RMST: variants seen among roughly 807,000 people sequenced by gnomAD.
RMST encodes long intergenic non-protein coding RNA 54.
intron 11 of RMST, among the ~76,000 whole-genome samples, chr12:97,544,472 T>C (rs192910302): frequency 1.7e-4 from 26 of 152,060 alleles, no homozygotes; most frequent in African/African-American, 5.3e-4. Context: ...TCTAGACACA[T>C]AGGTAATCAG....
chr12:97,482,204 G>A (rs1875383869), intron 5 of RMST, among the ~76,000 whole-genome samples: 1 of 152,136 alleles, frequency 6.6e-6, no homozygotes, highest in Admixed American at 6.5e-5. Context: ...TAACGTCTTG[G>A]GGATTGGCAA....
chr12:97,510,679 GAGTTACTTCTT>G (rs1257856729), intron 10 of RMST, among the ~76,000 whole-genome samples: 1 of 152,150 alleles, frequency 6.6e-6, no homozygotes, highest in Admixed American at 6.5e-5. Flanking sequence ...ATCACATAGG[GAGTTACTTCTT>G]GGTTACTTCC....
chr12:97,558,014 A>C (rs1303312545), intron 11 of RMST, among the ~76,000 whole-genome samples: 1 of 152,138 alleles, frequency 6.6e-6, no homozygotes, highest in Non-Finnish European at 1.5e-5. Flanking sequence ...GAATGAAACA[A>C]TCTATTCGTT....
intron 11 of RMST, among the ~76,000 whole-genome samples, chr12:97,551,665 T>C (rs1407639628): frequency 2.0e-5 from 3 of 152,220 alleles, no homozygotes; most frequent in African/African-American, 7.2e-5. Flanking sequence ...GTTTATTATT[T>C]CAAAGGCATC....
At chr12:97,538,681 C>T (rs1057089655) in intron 11 of RMST, among the ~76,000 whole-genome samples, 2 of 151,286 alleles carry the variant, frequency 1.3e-5, no homozygotes, top group Non-Finnish European at 3.0e-5. Context: ...TTTCATGATG[C>T]AAATTTGAAC....
intron 5 of RMST, chr12:97,492,106 T>C (rs1165365864): frequency 2.5e-6 from 1 of 396,618 alleles, no homozygotes; most frequent in South Asian, 1.8e-5. Flanking sequence ...AGAGCTTAAA[T>C]TGACAGTACT....
Position 97,506,006 on chromosome 12 carries a change from G to A in RMST, n.1340+9950G>A, listed in dbSNP as rs189631527. ...TATTAATATTGACTTCTGTATAAAT[G>A]AGGTCAATTAATTATTCTAAAAACC... On this transcript the variant is annotated intron_variant and non_coding_transcript_variant, in intron 10 of 13. Coordinates refer to ENST00000640149, the Ensembl canonical transcript of RMST. 1.5e-4 allele frequency among the ~76,000 whole-genome samples: 23 copies of A among 152,260 alleles called. No homozygotes were observed. In the East Asian group the frequency reaches 4.4e-3, roughly 29 times the overall value.
intron 5 of RMST, among the ~76,000 whole-genome samples, chr12:97,475,609 C>G (rs1874461645): frequency 6.8e-6 from 1 of 148,090 alleles, no homozygotes; most frequent in Non-Finnish European, 1.5e-5. Context: ...TACCATTTCC[C>G]ACATGTCAGG....
intron 5 of RMST, among the ~76,000 whole-genome samples, chr12:97,467,005 A>G (rs1873268943): frequency 6.6e-6 from 1 of 152,060 alleles, no homozygotes; most frequent in Admixed American, 6.6e-5. Context: ...GAAAAACCAA[A>G]GAGGCATGCA....
intron 4 of RMST, among the ~76,000 whole-genome samples, chr12:97,463,838 T>C (rs1872862685): frequency 6.6e-6 from 1 of 152,148 alleles, no homozygotes; most frequent in Non-Finnish European, 1.5e-5. Context: ...AAATGTACAA[T>C]AGTTTATGGA....
chr12:97,476,569 C>T (rs1874573400), intron 5 of RMST, among the ~76,000 whole-genome samples: 2 of 152,204 alleles, frequency 1.3e-5, no homozygotes, highest in Admixed American at 6.5e-5. Flanking sequence ...AAGAAATAGG[C>T]TTAGTGCTAT....
intron 10 of RMST, among the ~76,000 whole-genome samples, chr12:97,523,113 A>G (rs1185330278): frequency 1.3e-5 from 2 of 152,210 alleles, no homozygotes; most frequent in Non-Finnish European, 2.9e-5. Context: ...AAGAGACACG[A>G]GCATTTAGTT....
chr12:97,464,284 A>G (rs571402619), intron 4 of RMST, among the ~76,000 whole-genome samples: 14 of 152,206 alleles, frequency 9.2e-5, no homozygotes, highest in Non-Finnish European at 1.8e-4. Context: ...TTCATTTCCC[A>G]CAATTTAAAA....
intron 11 of RMST, among the ~76,000 whole-genome samples, chr12:97,540,037 G>A (rs1260324519): frequency 1.3e-5 from 2 of 151,648 alleles, no homozygotes; most frequent in Admixed American, 6.6e-5. Flanking sequence ...TTACCTCTAA[G>A]TATTGCTAAT....
intron 11 of RMST, among the ~76,000 whole-genome samples, chr12:97,537,860 A>G (rs1213336161): frequency 1.3e-5 from 2 of 151,448 alleles, no homozygotes; most frequent in Non-Finnish European, 3.0e-5. Context: ...TTATTCTGGT[A>G]TTAATGTGAA....
chr12:97,537,474 C>A (rs543573050), intron 11 of RMST, among the ~76,000 whole-genome samples: 6 of 151,454 alleles, frequency 4.0e-5, no homozygotes, highest in Admixed American at 4.0e-4. Flanking sequence ...TCTTCACGAG[C>A]AAAAGGAGAT....
At chr12:97,529,488 C>T (rs1038320480) in intron 10 of RMST, among the ~76,000 whole-genome samples, 2 of 152,084 alleles carry the variant, frequency 1.3e-5, no homozygotes, top group African/African-American at 4.8e-5. Context: ...CACCTTTTAA[C>T]TTTTCCCTAA....
At chr12:97,564,206 C>T (rs1565941733) in exon 14 of RMST, 1 of 198,050 alleles carries the variant, frequency 5.0e-6, no homozygotes, top group East Asian at 1.3e-4. Context: ...GCATTCAATC[C>T]TTCTATGCCT....
At chr12:97,512,706 G>A (rs1453871850) in intron 10 of RMST, among the ~76,000 whole-genome samples, 1 of 152,238 alleles carries the variant, frequency 6.6e-6, no homozygotes, top group East Asian at 1.9e-4. Context: ...CCAGACTCAG[G>A]AGCCCAGCGG....
Sources: gnomAD v4.1 joint callset for allele counts (sites outside exome capture counted in the v4.1 genomes callset) on GRCh38, gnomAD v4.1.1 for gene constraint, MANE v1.5 for transcripts, NCBI Gene and HGNC (gene_info 2026-07-23, HGNC 2026-07-21) for gene names.